SLC24A2: variants seen among roughly 807,000 people sequenced by gnomAD.
SLC24A2 encodes the protein sodium/potassium/calcium exchanger 2.
SLC24A2 carries 36 observed loss-of-function variants against 62.0 expected under a neutral mutation model. That is an observed-to-expected ratio of 0.58 (90% CI 0.44 to 0.77). The LOEUF is 0.77. Ranked by LOEUF, SLC24A2 falls within the 30% of genes least tolerant of loss-of-function variation. The pLI, the probability that SLC24A2 is intolerant of heterozygous loss-of-function variation, is 0.00. For missense variants in SLC24A2, 846 were observed against 817.9 expected (o/e 1.03, Z -0.42); for synonymous variants, 358 against 294.0 (o/e 1.22, Z -2.23).
chr9:19,711,781 T>A (rs1439145169), intron 2 of SLC24A2, among the ~76,000 whole-genome samples: 1 of 152,094 alleles, frequency 6.6e-6, no homozygotes, highest in Non-Finnish European at 1.5e-5. Context: ...TAGAACAAAA[T>A]CTCTGTTGTG....
chr9:20,232,247 C>A, the SLC24A2 span, among the ~76,000 whole-genome samples: 1 of 152,156 alleles, frequency 6.6e-6, no homozygotes, highest in Non-Finnish European at 1.5e-5. Context: ...ATGCTGGCCT[C>A]ATAAAATGAG....
intron 7 of SLC24A2, 64 bp from the exon 8 acceptor site, chr9:19,550,332 C>T (rs1834782989): frequency 6.5e-7 from 1 of 1,537,464 alleles, no homozygotes; most frequent in Non-Finnish European, 9.0e-7. Flanking sequence ...GGCACAACAA[C>T]AGGAGCACAG....
At chr9:20,176,176 T>C in the SLC24A2 span, among the ~76,000 whole-genome samples, 1 of 152,098 alleles carries the variant, frequency 6.6e-6, no homozygotes, top group Admixed American at 6.6e-5. Flanking sequence ...TACGGTTCCA[T>C]GAAGCTCAGA....
At chr9:20,096,419 T>C in the SLC24A2 span, among the ~76,000 whole-genome samples, 1 of 152,186 alleles carries the variant, frequency 6.6e-6, no homozygotes, top group African/African-American at 2.4e-5. Flanking sequence ...TTGACTCTCC[T>C]TTCCCTGTTC....
chr9:19,855,678 C>T, the SLC24A2 span, among the ~76,000 whole-genome samples: 2 of 152,192 alleles, frequency 1.3e-5, no homozygotes. Context: ...TGATGGGCTT[C>T]CTTTTGTAGG....
rs190978825 is a variant in SLC24A2, at chr9:19,545,961, G to C, written c.1479+4176C>G. ...CTAGTTTTCCTTCTAACAGGACCCT[G>C]TGCTGCAGGTCTGTTGGAGTTTGCT... On this transcript the variant is annotated intron_variant, in intron 8 of 10. Coordinates refer to ENST00000341998, the MANE Select transcript of SLC24A2 (RefSeq NM_020344.4). Among the ~76,000 whole-genome samples the C allele has an allele frequency of 9.0e-3, 1,369 of 152,316 alleles. 15 individuals carry two copies. The highest frequency in any genetic ancestry group is 0.013 in the Non-Finnish European group (902 of 68,026).
At chr9:19,560,897 G>GTGTGTATA (rs1287721646) in intron 7 of SLC24A2, among the ~76,000 whole-genome samples, 5 of 128,496 alleles carry the variant, frequency 3.9e-5, no homozygotes, top group Admixed American at 1.6e-4. Flanking sequence ...GTGTGTGTGT[G>GTGTGTATA]TATATATATA....
chr9:19,566,903 TGAACAATGA>T (rs1835673642), intron 7 of SLC24A2, among the ~76,000 whole-genome samples: 2 of 148,124 alleles, frequency 1.4e-5, no homozygotes, highest in Admixed American at 1.4e-4. Context: ...AGGTGGAAAT[TGAACAATGA>T]GAACACTTGG....
chr9:20,295,896 C>T, the SLC24A2 span, among the ~76,000 whole-genome samples: 1 of 152,128 alleles, frequency 6.6e-6, no homozygotes, highest in South Asian at 2.1e-4. Context: ...CCAGTAAATC[C>T]CTTCTTATAT....
At chr9:19,872,963 T>G in the SLC24A2 span, among the ~76,000 whole-genome samples, 3 of 152,164 alleles carry the variant, frequency 2.0e-5, no homozygotes, top group African/African-American at 7.2e-5. Flanking sequence ...TGTTAAGAGA[T>G]CTGAACTGGT....
the SLC24A2 span, chr9:19,926,716 C>G: frequency 6.6e-6 from 1 of 152,352 alleles, no homozygotes; most frequent in Non-Finnish European, 1.5e-5. Context: ...GACCTGCCAT[C>G]TCTCTACACT....
the SLC24A2 span, among the ~76,000 whole-genome samples, chr9:19,993,918 C>T: frequency 1.3e-5 from 2 of 152,188 alleles, no homozygotes; most frequent in Admixed American, 6.5e-5. Flanking sequence ...AGGAGAAACA[C>T]CCAGTTATTG....
the SLC24A2 span, among the ~76,000 whole-genome samples, chr9:20,073,917 GAGAT>G: frequency 1.1e-4 from 11 of 98,360 alleles, no homozygotes; most frequent in East Asian, 1.2e-3. Flanking sequence ...TCCTTGTGGG[GAGAT>G]ATATATATAT....
the SLC24A2 span, among the ~76,000 whole-genome samples, chr9:19,891,109 C>T: frequency 6.6e-6 from 1 of 152,158 alleles, no homozygotes; most frequent in South Asian, 2.1e-4. Flanking sequence ...TCTCTCCTTC[C>T]AAAATATGTG....
chr9:20,219,549 C>A, the SLC24A2 span, among the ~76,000 whole-genome samples: 1 of 152,084 alleles, frequency 6.6e-6, no homozygotes, highest in Non-Finnish European at 1.5e-5. Context: ...TGGCAGGTTG[C>A]GCTTATGTTA....
chr9:19,693,085 T>C (rs1820088213), intron 2 of SLC24A2, among the ~76,000 whole-genome samples: 1 of 152,126 alleles, frequency 6.6e-6, no homozygotes, highest in South Asian at 2.1e-4. Flanking sequence ...CTATCTTTTA[T>C]TTATTTACTT....
At chr9:20,059,842 G>T in the SLC24A2 span, among the ~76,000 whole-genome samples, 26,206 of 151,886 alleles carry the variant, frequency 0.17, 3,768 homozygotes, top group East Asian at 0.66. Context: ...AAAAACAATA[G>T]AGAAAATCAA....
intron 5 of SLC24A2, 95 bp from the exon 6 acceptor site, chr9:19,577,117 T>A: frequency 1.1e-6 from 1 of 923,080 alleles, no homozygotes; most frequent in Non-Finnish European, 1.8e-6. Flanking sequence ...CACGCTGCAC[T>A]AATAGCGTGA....
intron 2 of SLC24A2, among the ~76,000 whole-genome samples, chr9:19,736,231 T>C (rs947786445): frequency 5.3e-5 from 8 of 152,136 alleles, no homozygotes; most frequent in African/African-American, 1.9e-4. Context: ...AATACTTGAT[T>C]AATCCAAAGA....
Sources: gnomAD v4.1 joint callset for allele counts (sites outside exome capture counted in the v4.1 genomes callset) on GRCh38, gnomAD v4.1.1 for gene constraint, MANE v1.5 for transcripts, NCBI Gene and HGNC (gene_info 2026-07-23, HGNC 2026-07-21) for gene names.